The following ENOSF1 variants were observed in gnomAD, a reference collection of about 807,000 sequenced individuals.
ENOSF1 encodes mitochondrial enolase superfamily member 1.
ENOSF1 carries 73 observed loss-of-function variants against 68.2 expected under a neutral mutation model. The observed-to-expected ratio is 1.07, with a 90% CI of 0.89 to 1.30. The LOEUF is 1.30. Ranked by LOEUF, ENOSF1 falls within the 50% of genes most tolerant of loss-of-function variation. The pLI is 0.00. For synonymous variants in ENOSF1, 223 were observed against 210.4 expected (o/e 1.06, Z -0.52); for missense variants, 589 against 554.5 (o/e 1.06, Z -0.62).
chr18:682,592 G>A (rs1000615726), intron 11 of ENOSF1, among the ~76,000 whole-genome samples: 15 of 152,062 alleles, frequency 9.9e-5, no homozygotes, highest in Admixed American at 2.0e-4. Flanking sequence ...ACACAAGGCC[G>A]GGCGCGGTGG....
intron 9 of ENOSF1, chr18:688,369 T>C: frequency 1.8e-6 from 1 of 571,418 alleles, no homozygotes. Flanking sequence ...TCAACTCTGA[T>C]GGCCTATAAT....
intron 2 of ENOSF1, among the ~76,000 whole-genome samples, chr18:699,617 G>T (rs949034072): frequency 1.3e-5 from 2 of 152,186 alleles, no homozygotes; most frequent in African/African-American, 4.8e-5. Context: ...CACAATAATT[G>T]AATCAAGCCA....
chr18:710,054 T>G (rs2145550556), intron 1 of ENOSF1, among the ~76,000 whole-genome samples: 1 of 152,306 alleles, frequency 6.6e-6, no homozygotes, highest in African/African-American at 2.4e-5. Context: ...CCTTACCCTG[T>G]GTTAGACATC....
intron 3 of ENOSF1, among the ~76,000 whole-genome samples, chr18:696,978 G>A (rs2077796360): frequency 6.6e-6 from 1 of 152,010 alleles, no homozygotes; most frequent in South Asian, 2.1e-4. Context: ...TTAGCCAGGT[G>A]TGCTAGTGCA....
chr18:688,645 A>C (rs1367852086), intron 8 of ENOSF1, 37 bp from the exon 9 acceptor site: 4 of 1,594,198 alleles, frequency 2.5e-6, no homozygotes, highest in Non-Finnish European at 3.4e-6. Flanking sequence ...CACTGGAGAG[A>C]GCCCCTTGGT....
Position 672,073 on chromosome 18 carries a change from C to G in ENOSF1, c.*2232G>C, listed in dbSNP as rs2075087468. 1 of 152,284 alleles carries G rather than the reference C, an allele frequency of 6.6e-6. No individual in the cohort carries two copies. Among genetic ancestry groups the G allele is most frequent in the African/African-American group, 2.4e-5 (1 of 41,460 alleles). 9.4% of individuals were successfully genotyped at this position (152,284 alleles called of 1,614,324 possible). ...GGAATTACAGGCATAAGCCACCACC[C>G]TGGCCATAAATATTTTTTGTTAATT... On this transcript the variant is annotated 3_prime_UTR_variant, in exon 16 of 16. Coordinates refer to ENST00000647584, the MANE Select transcript of ENOSF1 (RefSeq NM_017512.7).
Position 672,793 on chromosome 18 carries a change from G to C in ENOSF1, c.*1512C>G, listed in dbSNP as rs540710744. 6.8e-7 allele frequency: 1 copy of C among 1,480,384 alleles called. No homozygotes were observed. The highest frequency in any genetic ancestry group is 9.1e-7 in the Non-Finnish European group (1 of 1,093,296). The allele number at this position is 1,480,384 out of a possible 1,614,324, so 91.7% of individuals were successfully genotyped here. A position where few individuals can be genotyped will look rare whatever the true frequency, so the allele number is the denominator to read the frequency against. On this transcript the variant is annotated 3_prime_UTR_variant, in exon 16 of 16. Coordinates refer to ENST00000647584, the MANE Select transcript of ENOSF1 (RefSeq NM_017512.7). ...ATCACATCCTGTGTACTTGTTTCAC[G>C]GACATGAGGAGCAATTACAACAGGT... is the stretch of plus-strand genomic sequence containing the variant.
intron 12 of ENOSF1, 122 bp downstream of exon 12, chr18:678,574 A>C: frequency 2.0e-6 from 2 of 976,176 alleles, no homozygotes; most frequent in Non-Finnish European, 3.2e-6. Flanking sequence ...TAAGATGATG[A>C]AAATTTCCCA....
At chr18:709,743 G>C (rs1250107025) in intron 1 of ENOSF1, among the ~76,000 whole-genome samples, 1 of 151,994 alleles carries the variant, frequency 6.6e-6, no homozygotes, top group Non-Finnish European at 1.5e-5. Context: ...TGCACTCCAG[G>C]CTGGGCAACA....
chr18:705,519 C>T (rs76192353), intron 2 of ENOSF1, among the ~76,000 whole-genome samples: 5,111 of 152,136 alleles, frequency 0.034, 106 homozygotes, highest in East Asian at 0.086. Flanking sequence ...AGATCACATC[C>T]AGCTCTGAAA....
Position 671,069 on chromosome 18 carries a change from T to A in ENOSF1, c.*3236A>T. The A allele has an allele frequency of 1.6e-6, 1 of 643,954 alleles. No homozygotes were observed. Among genetic ancestry groups the A allele is most frequent in the Non-Finnish European group, 2.6e-6 (1 of 378,856 alleles). The allele number at this position is 643,954 out of a possible 1,614,324, so 39.9% of individuals were successfully genotyped here. A position where few individuals can be genotyped will look rare whatever the true frequency, so the allele number is the denominator to read the frequency against. On this transcript the variant is annotated 3_prime_UTR_variant, in exon 16 of 16. Coordinates refer to ENST00000647584, the MANE Select transcript of ENOSF1 (RefSeq NM_017512.7). ...GCCCTGTGGTATACGCACTAACAGA[T>A]CTATACAGGTTGTTTGTGATACAGC...
chr18:682,181 T>C (rs1160526373), intron 11 of ENOSF1, among the ~76,000 whole-genome samples: 1 of 152,138 alleles, frequency 6.6e-6, no homozygotes, highest in Non-Finnish European at 1.5e-5. Context: ...CTCTGAGAAA[T>C]GTGCCGTTGG....
intron 1 of ENOSF1, among the ~76,000 whole-genome samples, chr18:709,818 C>T (rs1416964488): frequency 2.0e-5 from 3 of 151,988 alleles, no homozygotes; most frequent in Non-Finnish European, 4.4e-5. Context: ...AGCTTTATTG[C>T]TCTTTCTTGA....
intron 2 of ENOSF1, among the ~76,000 whole-genome samples, chr18:699,504 A>C (rs955595999): frequency 6.8e-6 from 1 of 145,986 alleles, no homozygotes; most frequent in Non-Finnish European, 1.5e-5. Context: ...AATAATAATA[A>C]TATAAAGGCT....
downstream of ENOSF1, among the ~76,000 whole-genome samples, chr18:666,472 A>C (rs575241511): frequency 6.6e-6 from 1 of 152,214 alleles, no homozygotes; most frequent in African/African-American, 2.4e-5. Context: ...GTCACCTCTT[A>C]CTGGATGTCA....
chr18:684,069 C>A (rs1352585629), intron 10 of ENOSF1, among the ~76,000 whole-genome samples: 2 of 151,822 alleles, frequency 1.3e-5, no homozygotes, highest in African/African-American at 4.8e-5. Flanking sequence ...TCTCGGCTCA[C>A]TGCAACCTCT....
chr18:694,070 T>A (rs939156423), intron 4 of ENOSF1, among the ~76,000 whole-genome samples, 162 bp from the exon 5 acceptor site: 11 of 152,086 alleles, frequency 7.2e-5, no homozygotes, highest in African/African-American at 2.4e-4. Flanking sequence ...CTCCTCTTTC[T>A]CCTCCTCCTG....
At chr18:690,747 T>TGCAC (rs2077067552) in intron 7 of ENOSF1, 116 bp from the exon 8 acceptor site, 1 of 1,221,354 alleles carries the variant, frequency 8.2e-7, no homozygotes. Flanking sequence ...GATCCGGCCC[T>TGCAC]GCACACACAC....
At chr18:666,267 G>A (rs1385545287), downstream of ENOSF1, among the ~76,000 whole-genome samples, 1 of 151,586 alleles carries the variant, frequency 6.6e-6, no homozygotes, top group Admixed American at 6.6e-5. Flanking sequence ...AAGTTCATCG[G>A]TGGGACAAGG....
Sources: gnomAD v4.1 joint callset for allele counts (sites outside exome capture counted in the v4.1 genomes callset) on GRCh38, gnomAD v4.1.1 for gene constraint, MANE v1.5 for transcripts, NCBI Gene and HGNC (gene_info 2026-07-23, HGNC 2026-07-21) for gene names.